Variants in PAH observed in about 807,000 individuals in gnomAD.
PAH encodes the protein phenylalanine-4-hydroxylase.
PAH carries 64 observed loss-of-function variants against 62.0 expected under a neutral mutation model. That is an observed-to-expected ratio of 1.03 (90% confidence interval 0.84 to 1.27). PAH has a LOEUF of 1.27. Ranked by LOEUF, PAH falls within the 50% of genes most tolerant of loss-of-function variation. PAH has a pLI of 0.00. For missense variants in PAH, 579 were observed against 542.8 expected, an observed-to-expected ratio of 1.07 and a Z score of -0.66; for synonymous variants, 195 against 196.2, an observed-to-expected ratio of 0.99 and a Z score of 0.05.
intron 1 of PAH, among the ~76,000 whole-genome samples, chr12:102,927,713 A>G (rs1878725461): frequency 6.6e-6 from 1 of 152,210 alleles, no homozygotes; most frequent in Non-Finnish European, 1.5e-5. Flanking sequence ...CAATTAAGCT[A>G]TGAATAATTA....
upstream of PAH, among the ~76,000 whole-genome samples, chr12:102,953,063 C>T (rs957454728): frequency 2.6e-5 from 4 of 152,180 alleles, no homozygotes; most frequent in African/African-American, 9.7e-5. Context: ...AGCCTTAGAA[C>T]AGCAGACACC....
chr12:102,836,994 T>TTA lies in PAH; in HGVS notation c.*2180_*2181insTA, dbSNP rs1223052097. ...ATTCAGATTCCTACTTTCAGAAACT[T>TTA]ATTAAACATCAATGCCACATGCTTA... On this transcript the variant is annotated 3_prime_UTR_variant, in exon 13 of 13. Transcript: ENST00000553106. 6.6e-6 allele frequency: 1 copy of TTA among 152,224 alleles called. No individual in the cohort carries two copies. The highest frequency in any genetic ancestry group is 2.4e-5 in the African/African-American group (1 of 41,462). 9.4% of individuals were successfully genotyped at this position (152,224 alleles called of 1,614,324 possible).
chr12:102,864,316 G>T (rs1283612015), intron 5 of PAH, among the ~76,000 whole-genome samples: 2 of 152,092 alleles, frequency 1.3e-5, no homozygotes, highest in Admixed American at 6.6e-5. Context: ...AACTATTTGA[G>T]ATTCTGATTC....
At chr12:102,867,384 C>G (rs112347824) in intron 4 of PAH, among the ~76,000 whole-genome samples, 87 of 152,326 alleles carry the variant, frequency 5.7e-4, no homozygotes, top group African/African-American at 2.0e-3. Flanking sequence ...GAAGCTGATT[C>G]ACAGGCAGCC....
intron 3 of PAH, among the ~76,000 whole-genome samples, chr12:102,890,738 C>G (rs1202057769): frequency 6.6e-6 from 1 of 152,190 alleles, no homozygotes. Context: ...TGTGCTTCCT[C>G]CAGGCTCCAA....
intron 2 of PAH, among the ~76,000 whole-genome samples, chr12:102,904,140 C>G (rs186531367): frequency 1.3e-5 from 2 of 152,296 alleles, no homozygotes; most frequent in Admixed American, 6.5e-5. Context: ...ACTAGAACTT[C>G]TACTTCTTAT....
At chr12:102,933,655 A>C (rs1230757873) in intron 1 of PAH, among the ~76,000 whole-genome samples, 1 of 152,138 alleles carries the variant, frequency 6.6e-6, no homozygotes, top group East Asian at 1.9e-4. Context: ...GGGTGAGATG[A>C]TATTTCATTG....
At chr12:102,880,920 A>G (rs1011703385) in intron 3 of PAH, among the ~76,000 whole-genome samples, 2 of 151,284 alleles carry the variant, frequency 1.3e-5, no homozygotes, top group African/African-American at 4.8e-5. Flanking sequence ...AAATGCATAT[A>G]TATTTATAAT....
At chr12:102,859,336 C>G (rs531678735) in intron 5 of PAH, among the ~76,000 whole-genome samples, 1 of 152,118 alleles carries the variant, frequency 6.6e-6, no homozygotes, top group Non-Finnish European at 1.5e-5. Context: ...TAATTAATAG[C>G]CTACCCACCA....
chr12:102,890,036 G>A (rs748394956), intron 3 of PAH, among the ~76,000 whole-genome samples: 16 of 152,192 alleles, frequency 1.1e-4, no homozygotes, highest in Non-Finnish European at 1.9e-4. Flanking sequence ...TCTCCAGGAG[G>A]CATTTGAGAA....
At chr12:102,887,711 CTT>C (rs1476887311) in intron 3 of PAH, among the ~76,000 whole-genome samples, 2 of 152,116 alleles carry the variant, frequency 1.3e-5, no homozygotes, top group African/African-American at 4.8e-5. Flanking sequence ...GAGAGTGGGT[CTT>C]TGCTCCATTT....
chr12:102,852,684 G>A, intron 7 of PAH, 131 bp downstream of exon 7: 1 of 1,100,194 alleles, frequency 9.1e-7, no homozygotes, highest in East Asian at 2.4e-5. Flanking sequence ...ATTGTTTTTA[G>A]TACTACCAGC....
At chr12:102,930,786 C>G (rs925422090) in intron 1 of PAH, among the ~76,000 whole-genome samples, 2 of 152,210 alleles carry the variant, frequency 1.3e-5, no homozygotes, top group African/African-American at 4.8e-5. Flanking sequence ...AACACACATC[C>G]TTTCTTCCCC....
At chr12:102,902,333 CTTTG>C (rs376860649) in intron 2 of PAH, among the ~76,000 whole-genome samples, 23 of 152,278 alleles carry the variant, frequency 1.5e-4, no homozygotes, top group African/African-American at 4.6e-4. Flanking sequence ...ATTACCTGAA[CTTTG>C]TTTGGTTTTC....
chr12:102,906,644 G>T (rs1877987891), intron 2 of PAH, among the ~76,000 whole-genome samples: 1 of 151,126 alleles, frequency 6.6e-6, no homozygotes, highest in African/African-American at 2.5e-5. Context: ...GGCACATTAA[G>T]TGATTTAATC....
At chr12:102,939,921 G>A (rs1033194319) in intron 1 of PAH, among the ~76,000 whole-genome samples, 1 of 152,074 alleles carries the variant, frequency 6.6e-6, no homozygotes, top group African/African-American at 2.4e-5. Flanking sequence ...CACTTGACTG[G>A]GAGAGGAGCC....
At chr12:102,914,389 T>G (rs1878308343) in intron 1 of PAH, 1 of 152,806 alleles carries the variant, frequency 6.5e-6, no homozygotes. Context: ...TAGGTTTTAT[T>G]AGGCACCAAG....
chr12:102,877,388 G>T, intron 4 of PAH, 74 bp downstream of exon 4: 1 of 1,017,948 alleles, frequency 9.8e-7, no homozygotes, highest in Non-Finnish European at 1.6e-6. Flanking sequence ...GCTCCAAGTA[G>T]AGAAGGTAAG....
chr12:102,852,920 G>T lies in PAH; in HGVS notation c.737C>A (p.Ala246Asp), dbSNP rs199475610. 4 of 1,614,126 alleles carry T rather than the reference G, an allele frequency of 2.5e-6. No homozygotes were observed. Among genetic ancestry groups the T allele is most frequent in the Non-Finnish European group, 8.5e-7 (1 of 1,180,002 alleles). ...TCTGFRLRPVAGLLSSRDFLG... is the reference protein window; with the variant it reads ...TCTGFRLRPVDGLLSSRDFLG... ...GAAATCCCGAGAGGAAAGCAGGCCA[G>T]CCACAGGTCGGAGGCGGAAACCAGT... Residue 246 changes from alanine (A) to aspartate (D), a missense_variant, in exon 7 of 13, where the codon GCT becomes GAT. Physicochemically the swap from Ala to Asp is moderately radical, Grantham distance 126 (BLOSUM62 -2). Transcript: ENST00000553106.
Sources: gnomAD v4.1 joint callset for allele counts (sites outside exome capture counted in the v4.1 genomes callset) on GRCh38, gnomAD v4.1.1 for gene constraint, MANE v1.5 for transcripts, NCBI Gene and HGNC (gene_info 2026-07-23, HGNC 2026-07-21) for gene names.